Variants in MYH7 observed in about 807,000 individuals in gnomAD.
MYH7 encodes the protein myosin-7.
Under a neutral mutation model 225.4 loss-of-function variants are expected in MYH7, and 129 were observed. That is an observed-to-expected ratio of 0.57 (90% CI 0.50 to 0.66). The LOEUF (loss-of-function observed/expected upper bound fraction) is 0.66. Among genes scored for constraint, MYH7 ranks in the 30% least tolerant of loss-of-function variants. MYH7 has a pLI of 0.00. For synonymous variants in MYH7, 971 were observed against 1,007.6 expected (o/e 0.96, Z 0.69); for missense variants, 1,649 against 2,517.0 (o/e 0.66, Z 7.38).
intron 37 of MYH7, among the ~76,000 whole-genome samples, chr14:23,414,320 A>G (rs1186445268): frequency 3.3e-5 from 5 of 152,166 alleles, no homozygotes; most frequent in Admixed American, 3.3e-4. Context: ...GGACTCCTGA[A>G]ATTATGCACA....
At chr14:23,426,721 C>T (rs1892707257) in intron 18 of MYH7, 56 bp downstream of exon 18, 1 of 1,500,276 alleles carries the variant, frequency 6.7e-7, no homozygotes, top group African/African-American at 1.4e-5. Context: ...CTAGGAGGTC[C>T]TGTTCCCAGG....
chr14:23,414,701 A>G (rs1892111932), intron 37 of MYH7, among the ~76,000 whole-genome samples: 1 of 152,086 alleles, frequency 6.6e-6, no homozygotes, highest in South Asian at 2.1e-4. Context: ...CCCTGGCTAC[A>G]TATTTGCTTT....
chr14:23,422,369 G>A, intron 24 of MYH7, 44 bp from the exon 25 acceptor site: 1 of 1,613,724 alleles, frequency 6.2e-7, no homozygotes, highest in South Asian at 1.1e-5. Context: ...AAAGCATCCT[G>A]ACTTGGTGAT....
In MYH7 at chr14:23,415,782, C is replaced by T. The variant is rs781115033; in HGVS notation, c.5004G>A (p.Lys1668=). The change falls in exon 35 of 40, where the codon AAG becomes AAA. Residue 1668 remains lysine, a synonymous_variant. Transcript: ENST00000355349. This position sits in a 1 kb window ranked among gnomAD's most constrained non-coding sequence, Gnocchi z 6.3. Reference sequence around the variant, plus strand: ...GCCGCTCCACGATGGCGATGTTCTCCTTCAGGTCGTCGTTGGCACGGACTG... The same window carrying T: ...GCCGCTCCACGATGGCGATGTTCTCTTTCAGGTCGTCGTTGGCACGGACTG... The part of the protein sequence containing the change: ...DDAVRANDDL[K]ENIAIVERRN... The T allele has an allele frequency of 6.2e-7, 1 of 1,614,212 alleles. No individual in the cohort carries two copies. Among genetic ancestry groups the T allele is most frequent in the Non-Finnish European group, 8.5e-7 (1 of 1,180,046 alleles).
chr14:23,413,644 C>T, intron 39 of MYH7, 115 bp downstream of exon 39: 2 of 1,426,660 alleles, frequency 1.4e-6, no homozygotes, highest in Non-Finnish European at 9.7e-7. Context: ...GCCTCTGGGG[C>T]CATGTGGCTC....
At position 23,413,855 on chromosome 14, in the gene MYH7, C is replaced by T; in HGVS notation, c.5694G>A (p.Lys1898=). Reference sequence around the variant, plus strand: ...CTGCCTCATCCAGCTCGTGCTGCACCTTGCGGAACTTGGACAGGTTGGTGT... The same window carrying T: ...CTGCCTCATCCAGCTCGTGCTGCACTTTGCGGAACTTGGACAGGTTGGTGT... ...QANTNLSKFR[K]VQHELDEAEE... The change falls in exon 39 of 40, where the codon AAG becomes AAA. Residue 1898 remains lysine, a synonymous_variant. Coordinates refer to ENST00000355349, the MANE Select transcript of MYH7 (RefSeq NM_000257.4). 1 of 1,614,254 alleles carries T rather than the reference C, an allele frequency of 6.2e-7. No homozygotes were observed. Among genetic ancestry groups the T allele is most frequent in the Non-Finnish European group, 8.5e-7 (1 of 1,180,048 alleles).
chr14:23,425,678 T>C lies in MYH7; in HGVS notation c.2286+17A>G. ...AAAGAGATGTCTTCCTTTAATTAAT[T>C]AGTCTCCTTTCCTCACCTTGGTGTG... On this transcript the variant is annotated intron_variant, in intron 20 of 39. Transcript: ENST00000355349. This position sits in a 1 kb window ranked among gnomAD's most constrained non-coding sequence, Gnocchi z 4.6. The C allele has an allele frequency of 6.2e-7, 1 of 1,613,958 alleles. No individual in the cohort carries two copies. The highest frequency in any genetic ancestry group is 8.5e-7 in the Non-Finnish European group (1 of 1,179,844).
rs1892499979 is a variant in MYH7, at chr14:23,422,215, C to T, written c.3210G>A (p.Glu1070=). ...GCTCATCCAGCTGCTGCTTGTCATTCTCCAGGTCCATGATGCTCTCCTGGG... is the reference window on the plus strand; with the variant it reads ...GCTCATCCAGCTGCTGCTTGTCATTTTCCAGGTCCATGATGCTCTCCTGGG... The part of the protein sequence containing the change: ...KLTQESIMDL[E]NDKQQLDERL... The change falls in exon 25 of 40, where the codon GAG becomes GAA. Residue 1070 remains glutamate, a synonymous_variant. Coordinates refer to ENST00000355349, the MANE Select transcript of MYH7 (RefSeq NM_000257.4). 1 of 1,613,730 alleles carries T rather than the reference C, an allele frequency of 6.2e-7. No homozygotes were observed. Among genetic ancestry groups the T allele is most frequent in the Non-Finnish European group, 8.5e-7 (1 of 1,180,038 alleles).
At chr14:23,426,617 G>T (rs1439030610) in intron 18 of MYH7, among the ~76,000 whole-genome samples, 160 bp downstream of exon 18, 2 of 152,204 alleles carry the variant, frequency 1.3e-5, no homozygotes, top group African/African-American at 4.8e-5. Context: ...GTGCAAGGTA[G>T]CGCTGAGAGG....
Position 23,426,834 on chromosome 14 carries a change from G to A in MYH7, c.1987C>T (p.Arg663Cys), listed in dbSNP as rs397516127. 3 of 1,614,012 alleles carry A rather than the reference G, an allele frequency of 1.9e-6. No individual in the cohort carries two copies. The highest frequency in any genetic ancestry group is 2.2e-5 in the East Asian group (1 of 44,854). Residue 663 changes from arginine (R) to cysteine (C), a missense_variant, in exon 18 of 40, where the codon CGC (arginine) becomes TGC (cysteine). This residue lies in a region of MYH7 where 112 missense variants were observed against 161.9 expected (regional missense o/e 0.69). Coordinates refer to ENST00000355349, the MANE Select transcript of MYH7 (RefSeq NM_000257.4). ...CGTACAAAGTGGGGATGGGTGGAGC[G>A]CAAGTTGGTCATCAGCTTGTTCAGA... ...ENLNKLMTNL[R>C]STHPHFVRCI...
At chr14:23,418,180 C>T in intron 30 of MYH7, 30 bp downstream of exon 30, 1 of 1,613,372 alleles carries the variant, frequency 6.2e-7, no homozygotes, top group Non-Finnish European at 8.5e-7. Flanking sequence ...AAAGGGGCCT[C>T]AGCCAGAAGT....
chr14:23,412,869 G>A lies in MYH7; in HGVS notation c.5793C>T (p.Gly1931=), dbSNP rs148420672. The change falls in exon 40 of 40, where the codon GGC becomes GGT. Residue 1931 remains glycine (G), a splice_region_variant and synonymous_variant. Transcript: ENST00000355349. ...RAKSRDIGTK[G]LNEE ...TGTGGCAAAGCTACTCCTCATTCAA[G>A]CCCTTTTGAAAGGAAACAAAGTCCA... 4.3e-6 allele frequency: 7 copies of A among 1,614,072 alleles called. No individual in the cohort carries two copies. In the East Asian group the frequency reaches 1.6e-4, roughly 36 times the overall value.
Position 23,433,459 on chromosome 14 carries a change from T to C in MYH7, c.201+73A>G, listed in dbSNP as rs1893028216. On this transcript the variant is annotated intron_variant, in intron 3 of 39. Coordinates refer to ENST00000355349, the MANE Select transcript of MYH7 (RefSeq NM_000257.4). This position sits in a 1 kb window ranked among gnomAD's most constrained non-coding sequence, Gnocchi z 4.1. ...CTCAGGTCTGCATGGGCATGGGGCA[T>C]GGGTGTACCCCTCTCTGTCCACCCA... 6.5e-7 allele frequency: 1 copy of C among 1,550,150 alleles called. No individual in the cohort carries two copies. Among genetic ancestry groups the C allele is most frequent in the Non-Finnish European group, 8.9e-7 (1 of 1,128,410 alleles).
intron 22 of MYH7, 31 bp from the exon 23 acceptor site, chr14:23,424,180 C>T (rs1566530920): frequency 5.0e-6 from 8 of 1,613,596 alleles, no homozygotes; most frequent in African/African-American, 1.3e-5. Context: ...GGAGGCTGTT[C>T]AGGGGGTAAG....
intron 7 of MYH7, 32 bp downstream of exon 7, chr14:23,431,729 C>A: frequency 3.1e-6 from 5 of 1,614,062 alleles, no homozygotes; most frequent in Non-Finnish European, 3.4e-6. Context: ...TCCCTTTCTG[C>A]GGTACAGGAC....
chr14:23,415,952 A>T lies in MYH7; in HGVS notation c.4953+52T>A. The T allele has an allele frequency of 3.7e-6, 6 of 1,613,820 alleles. No homozygotes were observed. The highest frequency in any genetic ancestry group is 5.1e-6 in the Non-Finnish European group (6 of 1,179,890). ...GGAGGAATCTGGTGCCTGTATCAAGACACTACTGCTTCGCCAGGCCACGTG... is the reference window on the plus strand; with the variant it reads ...GGAGGAATCTGGTGCCTGTATCAAGTCACTACTGCTTCGCCAGGCCACGTG... On this transcript the variant is annotated intron_variant, in intron 34 of 39. Transcript: ENST00000355349. This position sits in a 1 kb window ranked among gnomAD's most constrained non-coding sequence, Gnocchi z 6.3.
In MYH7 at chr14:23,422,309, T is replaced by C. The variant is rs199573700; in HGVS notation, c.3116A>G (p.Glu1039Gly). Residue 1039 changes from glutamate to glycine, a missense_variant, in exon 25 of 40, where the codon GAG becomes GGG. Coordinates refer to ENST00000355349, the MANE Select transcript of MYH7 (RefSeq NM_000257.4). ...QQVDDLEGSL[E>G]QEKKVRMDLE... ...GTCCATGCGCACCTTCTTCTCTTGC[T>C]CCAGGGATCCTTCCAGCTGGTAGAG... 68 of 1,614,056 alleles carry C rather than the reference T, an allele frequency of 4.2e-5. 1 individual carries two copies. The highest frequency in any genetic ancestry group is 3.3e-5 in the Admixed American group (2 of 59,998).
At chr14:23,418,087 A>G in intron 30 of MYH7, 123 bp downstream of exon 30, 1 of 1,420,588 alleles carries the variant, frequency 7.0e-7, no homozygotes, top group Non-Finnish European at 1.0e-6. Context: ...GCCGGGGCAG[A>G]GTCCTCCTGT....
rs759736393 is a variant in MYH7, at chr14:23,428,617, C to T, written c.1461G>A (p.Gln487=). 26 of 1,614,210 alleles carry T rather than the reference C, an allele frequency of 1.6e-5. No homozygotes were observed. In the South Asian group the frequency reaches 2.7e-4, roughly 17 times the overall value. Residue 487 remains glutamine (Q), a synonymous_variant, in exon 15 of 40, where the codon CAG becomes CAA. Coordinates refer to ENST00000355349, the MANE Select transcript of MYH7 (RefSeq NM_000257.4). ...CINFTNEKLQ[Q]FFNHHMFVLE... is the part of the protein sequence containing the mutation. Reference sequence around the variant, plus strand: ...GCACAAACATGTGGTGGTTGAAGAACTGCTGCAGCTTCTCGTTGGTGAAGT... The same window carrying T: ...GCACAAACATGTGGTGGTTGAAGAATTGCTGCAGCTTCTCGTTGGTGAAGT...
Sources: allele counts gnomAD v4.1 joint callset (sites outside exome capture counted in the v4.1 genomes callset), GRCh38; gene constraint gnomAD v4.1.1; regional missense constraint gnomAD v4.1.1; non-coding constraint Gnocchi (gnomAD v3.1); transcripts MANE v1.5; gene names NCBI Gene and HGNC (gene_info 2026-07-23, HGNC 2026-07-21).